The following QRICH1 variants were observed in gnomAD, a reference collection of about 807,000 sequenced individuals.
QRICH1 encodes glutamine rich 1.
Under a neutral mutation model 87.1 loss-of-function variants are expected in QRICH1, and 16 were observed. The observed-to-expected ratio is 0.18, with a 90% CI of 0.12 to 0.28. The LOEUF (loss-of-function observed/expected upper bound fraction) is 0.28. Among genes scored for constraint, QRICH1 ranks in the 10% least tolerant of loss-of-function variants. QRICH1 has a pLI of 1.00. For missense variants in QRICH1, 647 were observed against 951.7 expected (o/e 0.68, Z 4.21); for synonymous variants, 367 against 368.4 (o/e 1.00, Z 0.05).
At chr3:49,053,414 G>A (rs916916115) in intron 3 of QRICH1, among the ~76,000 whole-genome samples, 4 of 151,230 alleles carry the variant, frequency 2.6e-5, no homozygotes. Flanking sequence ...GAACTCGGGA[G>A]GCGGAGGTTG....
rs182642082 is a variant in QRICH1 at position 49,063,363 on chromosome 3, A to C, written c.310-5473T>G. Reference sequence around the variant, plus strand: ...GACCTACTAACTCTGAAATTCTAAGAAGTGGTTTTATCAAGTCCTCCAGTG... The same window carrying C: ...GACCTACTAACTCTGAAATTCTAAGCAGTGGTTTTATCAAGTCCTCCAGTG... On this transcript the variant is annotated intron_variant, in intron 2 of 9. Coordinates refer to ENST00000395443, the MANE Select transcript of QRICH1 (RefSeq NM_198880.3). Among the ~76,000 whole-genome samples, 204 of 152,302 alleles carry C rather than the reference A, an allele frequency of 1.3e-3. 2 individuals are homozygous for C. In the South Asian group the frequency reaches 0.017, roughly 13 times the overall value.
At chr3:49,048,125 T>C (rs2093349016) in intron 3 of QRICH1, among the ~76,000 whole-genome samples, 1 of 118,402 alleles carries the variant, frequency 8.4e-6, no homozygotes, top group East Asian at 3.4e-4. Flanking sequence ...AACATTTCTT[T>C]CTTTCTTTTT....
intron 4 of QRICH1, among the ~76,000 whole-genome samples, 200 bp from the exon 5 acceptor site, chr3:49,046,779 T>A (rs1356257510): frequency 6.6e-6 from 1 of 152,174 alleles, no homozygotes; most frequent in Non-Finnish European, 1.5e-5. Flanking sequence ...TGAGTGCCTA[T>A]CCCTGGTTCC....
intron 1 of QRICH1, among the ~76,000 whole-genome samples, chr3:49,081,361 G>A (rs1260844191): frequency 6.6e-6 from 1 of 151,276 alleles, no homozygotes; most frequent in African/African-American, 2.4e-5. Context: ...AGGTTGTAGT[G>A]AGCCGAGACT....
At chr3:49,078,229 A>C (rs2041989065) in intron 1 of QRICH1, among the ~76,000 whole-genome samples, 1 of 152,124 alleles carries the variant, frequency 6.6e-6, no homozygotes. Flanking sequence ...CAGATATAAA[A>C]TATGTGGGTA....
chr3:49,030,698 C>A, intron 9 of QRICH1, 54 bp from the exon 10 acceptor site: 1 of 1,414,936 alleles, frequency 7.1e-7, no homozygotes, highest in East Asian at 2.4e-5. Flanking sequence ...TCAACCCTCC[C>A]ACCCTGAACT....
At chr3:49,064,035 T>C (rs908784745) in intron 2 of QRICH1, among the ~76,000 whole-genome samples, 11 of 151,380 alleles carry the variant, frequency 7.3e-5, no homozygotes, top group African/African-American at 2.7e-4. Flanking sequence ...GCCTCCTGAG[T>C]GGCTGGGATT....
chr3:49,035,144 C>G (rs139165623), intron 6 of QRICH1, among the ~76,000 whole-genome samples: 1 of 152,164 alleles, frequency 6.6e-6, no homozygotes, highest in African/African-American at 2.4e-5. Context: ...GAGCAGAAAA[C>G]AGCCCTTCTC....
intron 2 of QRICH1, among the ~76,000 whole-genome samples, chr3:49,062,446 C>T (rs1356144896): frequency 1.3e-5 from 2 of 150,212 alleles, no homozygotes; most frequent in African/African-American, 2.4e-5. Flanking sequence ...CTGCAACCTC[C>T]GCCTCCCTGG....
intron 4 of QRICH1, 135 bp from the exon 5 acceptor site, chr3:49,046,714 G>A (rs761619712): frequency 5.0e-5 from 50 of 991,098 alleles, no homozygotes; most frequent in Non-Finnish European, 6.8e-5. Flanking sequence ...TGCCTGTAAT[G>A]TCAGAACTGG....
chr3:49,072,932 C>G lies in QRICH1; in HGVS notation c.309+3777G>C, dbSNP rs533207868. On this transcript the variant is annotated intron_variant, in intron 2 of 9. Coordinates refer to ENST00000395443, the MANE Select transcript of QRICH1 (RefSeq NM_198880.3). ...TGGCACGCACCTGTAGTCCTAGCTA[C>G]TCGGGAGGCTGAGGTGAGAGCATCA... Among the ~76,000 whole-genome samples, 6 of 152,080 alleles carry G rather than the reference C, an allele frequency of 3.9e-5. No individual in the cohort carries two copies. In the East Asian group the frequency reaches 1.2e-3, roughly 29 times the overall value.
intron 3 of QRICH1, among the ~76,000 whole-genome samples, chr3:49,053,723 G>A (rs1406864019): frequency 6.6e-6 from 1 of 152,188 alleles, no homozygotes; most frequent in Non-Finnish European, 1.5e-5. Flanking sequence ...TGGGGCCACA[G>A]ATGGCGGTTG....
chr3:49,046,414 C>T lies in QRICH1; in HGVS notation c.1671+11G>A, dbSNP rs1184507760. 1.2e-6 allele frequency: 2 copies of T among 1,607,558 alleles called. No homozygotes were observed. Among genetic ancestry groups the T allele is most frequent in the Admixed American group, 1.7e-5 (1 of 58,344 alleles). On this transcript the variant is annotated intron_variant, in intron 5 of 9. Coordinates refer to ENST00000395443, the MANE Select transcript of QRICH1 (RefSeq NM_198880.3). ...AGCTCAAACATGTTCTTGTGAAGAT[C>T]TGTTTCCTACCTTTTGAATACACAG...
chr3:49,049,123 C>T (rs1264490384), intron 3 of QRICH1, among the ~76,000 whole-genome samples: 5 of 151,804 alleles, frequency 3.3e-5, no homozygotes, highest in Non-Finnish European at 4.4e-5. Flanking sequence ...TGGCTGGTAT[C>T]GAACTCCTGA....
At chr3:49,055,115 C>A (rs1019575995) in intron 3 of QRICH1, among the ~76,000 whole-genome samples, 3 of 152,212 alleles carry the variant, frequency 2.0e-5, no homozygotes, top group African/African-American at 4.8e-5. Context: ...TATTCTATTT[C>A]TAGGCCCAAC....
chr3:49,045,947 G>A (rs184902889), intron 5 of QRICH1, among the ~76,000 whole-genome samples: 5 of 147,194 alleles, frequency 3.4e-5, no homozygotes, highest in African/African-American at 7.5e-5. Context: ...ACAGAGTCTC[G>A]CTCTGTCACC....
intron 6 of QRICH1, among the ~76,000 whole-genome samples, chr3:49,034,536 G>A (rs2093262829): frequency 6.6e-6 from 1 of 152,086 alleles, no homozygotes; most frequent in Non-Finnish European, 1.5e-5. Flanking sequence ...GCAGCCTTGA[G>A]CTCTTGGACT....
In QRICH1 at chr3:49,044,608, A is replaced by G. The variant is rs544459425; in HGVS notation, c.1672-104T>C. 56 of 763,824 alleles carry G rather than the reference A, an allele frequency of 7.3e-5. No homozygotes were observed. The African/African-American group carries it at 7.9e-4, about 11-fold the overall frequency. The allele number at this position is 763,824 out of a possible 1,614,324, so 47.3% of individuals were successfully genotyped here. On this transcript the variant is annotated intron_variant, in intron 5 of 9. Coordinates refer to ENST00000395443, the MANE Select transcript of QRICH1 (RefSeq NM_198880.3). Reference sequence around the variant, plus strand: ...CCAGTACTACTATCCTTCCCTACCCATTCACACCTCAACAAACCAAGGCAC... The same window carrying G: ...CCAGTACTACTATCCTTCCCTACCCGTTCACACCTCAACAAACCAAGGCAC...
At chr3:49,077,171 T>C in intron 1 of QRICH1, 133 bp from the exon 2 acceptor site, 2 of 459,286 alleles carry the variant, frequency 4.4e-6, no homozygotes, top group East Asian at 3.5e-5. Context: ...AAAGTTTTAT[T>C]ATACCACCTT....
Sources: allele counts gnomAD v4.1 joint callset (sites outside exome capture counted in the v4.1 genomes callset), GRCh38; gene constraint gnomAD v4.1.1; transcripts MANE v1.5; gene names NCBI Gene and HGNC (gene_info 2026-07-23, HGNC 2026-07-21).